Variants in CDH13 observed in about 807,000 individuals in gnomAD.
CDH13 encodes cadherin 13.
CDH13 carries 24 observed loss-of-function variants against 63.8 expected under a neutral mutation model. The ratio of observed to expected loss-of-function variants is 0.38; its 90% CI spans 0.27 to 0.53. CDH13 has a LOEUF of 0.53. CDH13 is among the 20% of genes least tolerant of loss of function. CDH13 has a pLI of 0.85. For missense variants in CDH13, 1,049 were observed against 903.1 expected, an observed-to-expected ratio of 1.16 and a Z score of -2.07; for synonymous variants, 503 against 355.3, an observed-to-expected ratio of 1.42 and a Z score of -4.67.
intron 4 of CDH13, among the ~76,000 whole-genome samples, chr16:83,141,804 A>T (rs1406314321): frequency 6.6e-6 from 1 of 152,170 alleles, no homozygotes; most frequent in Non-Finnish European, 1.5e-5. Flanking sequence ...GCTGAGAATG[A>T]TGGCTTCCAG....
chr16:82,928,009 C>T (rs886289142), intron 2 of CDH13, among the ~76,000 whole-genome samples: 2 of 152,072 alleles, frequency 1.3e-5, no homozygotes, highest in Non-Finnish European at 2.9e-5. Flanking sequence ...TATGTTTTTG[C>T]TGTGTATCTC....
chr16:83,279,175 G>C (rs1293218543), intron 5 of CDH13, among the ~76,000 whole-genome samples: 1 of 151,896 alleles, frequency 6.6e-6, no homozygotes, highest in Admixed American at 6.6e-5. Context: ...CCAAAGGTAA[G>C]AATTCCATGT....
chr16:82,792,679 G>A (rs4783273), intron 1 of CDH13, among the ~76,000 whole-genome samples: 151,758 of 152,318 alleles, frequency 1, 75,601 homozygotes, highest in Middle Eastern at 1. Context: ...GCTGAATTCG[G>A]TACATGGCTC....
At chr16:82,818,380 AAG>A (rs1280891229) in intron 1 of CDH13, among the ~76,000 whole-genome samples, 1 of 152,192 alleles carries the variant, frequency 6.6e-6, no homozygotes, top group Admixed American at 6.6e-5. Flanking sequence ...TGTTAACAGA[AAG>A]AGAGCAAAGC....
chr16:82,929,584 G>A (rs753952468), intron 2 of CDH13, among the ~76,000 whole-genome samples: 28 of 143,830 alleles, frequency 1.9e-4, no homozygotes, highest in South Asian at 4.4e-4. Context: ...CTCGGGAGGC[G>A]GAGCTTGCAG....
chr16:83,309,445 G>A (rs546536449), intron 5 of CDH13, among the ~76,000 whole-genome samples: 25 of 152,018 alleles, frequency 1.6e-4, no homozygotes, highest in African/African-American at 5.8e-4. Context: ...GCATGATCTC[G>A]GCTCACTGCA....
chr16:82,859,886 C>T (rs923996008), intron 2 of CDH13, among the ~76,000 whole-genome samples: 1 of 152,154 alleles, frequency 6.6e-6, no homozygotes, highest in Admixed American at 6.5e-5. Flanking sequence ...GAAATGACGC[C>T]AATGAAATCA....
intron 2 of CDH13, among the ~76,000 whole-genome samples, chr16:82,981,853 G>C (rs191056938): frequency 6.6e-6 from 1 of 152,258 alleles, no homozygotes; most frequent in East Asian, 1.9e-4. Context: ...ACCATTCACA[G>C]TGTATGCTTC....
chr16:83,770,192 G>A (rs571019880), intron 11 of CDH13, among the ~76,000 whole-genome samples: 5 of 152,224 alleles, frequency 3.3e-5, no homozygotes, highest in Non-Finnish European at 5.9e-5. Flanking sequence ...CCCACACAAA[G>A]CAATATACTG....
chr16:82,975,872 T>C (rs1417691039), intron 2 of CDH13, among the ~76,000 whole-genome samples: 2 of 152,204 alleles, frequency 1.3e-5, no homozygotes, highest in Non-Finnish European at 2.9e-5. Flanking sequence ...TTAGGGCTTT[T>C]AACAGCATAA....
intron 2 of CDH13, among the ~76,000 whole-genome samples, chr16:82,946,584 G>A (rs762621110): frequency 6.6e-6 from 1 of 152,054 alleles, no homozygotes; most frequent in Admixed American, 6.6e-5. Flanking sequence ...AGCCTGGCGT[G>A]GTGGCCTGTG....
At chr16:83,405,986 GGCTGCAGCT>G (rs2092037350) in intron 6 of CDH13, among the ~76,000 whole-genome samples, 2 of 152,200 alleles carry the variant, frequency 1.3e-5, no homozygotes, top group South Asian at 4.1e-4. Flanking sequence ...CCTGGATCTC[GGCTGCAGCT>G]GCATTGGGCA....
intron 3 of CDH13, among the ~76,000 whole-genome samples, chr16:83,088,869 A>G (rs1037006311): frequency 6.6e-6 from 1 of 152,222 alleles, no homozygotes; most frequent in African/African-American, 2.4e-5. Context: ...TTCAGCAACA[A>G]CCACAGGCTA....
At chr16:83,082,679 C>G (rs1238962637) in intron 3 of CDH13, among the ~76,000 whole-genome samples, 1 of 152,004 alleles carries the variant, frequency 6.6e-6, no homozygotes, top group Non-Finnish European at 1.5e-5. Context: ...CCAGAAAGAT[C>G]TCACTAAACT....
At chr16:83,459,603 A>C (rs1286778149) in intron 6 of CDH13, among the ~76,000 whole-genome samples, 1 of 152,236 alleles carries the variant, frequency 6.6e-6, no homozygotes, top group Non-Finnish European at 1.5e-5. Context: ...AGCCATAGGA[A>C]AATGGCTGAC....
chr16:83,272,739 AG>A lies in CDH13; in HGVS notation c.636+55243del, dbSNP rs554611446. Among the ~76,000 whole-genome samples the A allele has an allele frequency of 7.9e-5, 12 of 152,270 alleles. No individual in the cohort carries two copies. In the South Asian group the frequency reaches 2.3e-3, roughly 29 times the overall value. On this transcript the variant is annotated intron_variant, in intron 5 of 13. Transcript: ENST00000567109. ...ATGGGGATTGGGCTGGACACACTTC[AG>A]TAGCTTTCCTTGAAAACTGGAGGAA...
Position 83,109,472 on chromosome 16 carries a change from T to C in CDH13, c.367-15913T>C, listed in dbSNP as rs1051241768. On this transcript the variant is annotated intron_variant, in intron 3 of 13. Coordinates refer to ENST00000567109, the MANE Select transcript of CDH13 (RefSeq NM_001257.5). ...CCTGTGGATAGTCATGTATCATTTA[T>C]GGTGACAGTGCCACAGGGAAGGTAT... Among the ~76,000 whole-genome samples the C allele has an allele frequency of 1.1e-4, 17 of 152,228 alleles. 1 individual carries two copies. The highest frequency in any genetic ancestry group is 3.9e-4 in the African/African-American group (16 of 41,470).
intron 2 of CDH13, among the ~76,000 whole-genome samples, chr16:82,919,485 C>T (rs564226630): frequency 6.6e-6 from 1 of 152,244 alleles, no homozygotes; most frequent in Admixed American, 6.5e-5. Context: ...CTTGTGTTAG[C>T]TTGCTAAGGA....
At chr16:83,513,439 G>C (rs753726400) in intron 7 of CDH13, among the ~76,000 whole-genome samples, 1 of 152,136 alleles carries the variant, frequency 6.6e-6, no homozygotes, top group Non-Finnish European at 1.5e-5. Flanking sequence ...ATATTAGTTT[G>C]TTCTCATGCT....
Sources: allele counts gnomAD v4.1 joint callset (sites outside exome capture counted in the v4.1 genomes callset), GRCh38; gene constraint gnomAD v4.1.1; transcripts MANE v1.5; gene names NCBI Gene and HGNC (gene_info 2026-07-23, HGNC 2026-07-21).